Variants in LMO7 observed in about 807,000 individuals in gnomAD.
LMO7 encodes the protein LIM domain only protein 7.
A neutral mutation model predicts 206.5 loss-of-function variants in LMO7; 120 were observed. That is an observed-to-expected ratio of 0.58 (90% CI 0.50 to 0.68). LMO7 has a LOEUF of 0.68. LMO7 is among the 30% of genes least tolerant of loss of function. LMO7 has a pLI of 0.00. For synonymous variants in LMO7, 706 were observed against 681.5 expected (o/e 1.04, Z -0.56); for missense variants, 1,959 against 1,957.9 (o/e 1.00, Z -0.01).
chr13:75,729,018 GA>G (rs898763688), intron 3 of LMO7, among the ~76,000 whole-genome samples: 108 of 152,252 alleles, frequency 7.1e-4, no homozygotes, highest in African/African-American at 2.1e-3. Context: ...ATGCTGTTTT[GA>G]GTTACTATAG....
rs149824444 is a variant in LMO7 at position 75,787,219 on chromosome 13, G to A, written c.318-8182G>A. On this transcript the variant is annotated intron_variant, in intron 4 of 30. Coordinates refer to ENST00000377534, the MANE Select transcript of LMO7 (RefSeq NM_001306080.2). ...ATATGCACTCTGTTTGTGGTTTACCGTCTAATGGGGAGACACACGTCTCAG... is the reference window on the plus strand; with the variant it reads ...ATATGCACTCTGTTTGTGGTTTACCATCTAATGGGGAGACACACGTCTCAG... Among the ~76,000 whole-genome samples, 613 of 152,254 alleles carry A rather than the reference G, an allele frequency of 4.0e-3. 7 individuals carry two copies. Among genetic ancestry groups the A allele is most frequent in the African/African-American group, 0.014 (579 of 41,540 alleles).
intron 24 of LMO7, among the ~76,000 whole-genome samples, chr13:75,842,581 T>C (rs2059637616): frequency 6.6e-6 from 1 of 152,224 alleles, no homozygotes; most frequent in East Asian, 1.9e-4. Flanking sequence ...TTGTTTTGTG[T>C]ACTCCTATAG....
intron 1 of LMO7, among the ~76,000 whole-genome samples, chr13:75,709,044 G>A (rs553270274): frequency 5.1e-4 from 78 of 152,016 alleles, no homozygotes; most frequent in South Asian, 2.9e-3. Context: ...GAGAACATGC[G>A]GTGTTTGGTT....
chr13:75,727,005 C>A, intron 2 of LMO7, 24 bp from the exon 3 acceptor site: 1 of 1,316,328 alleles, frequency 7.6e-7, no homozygotes, highest in Non-Finnish European at 1.1e-6. Flanking sequence ...CTTGTAATTG[C>A]ATCTGTTATT....
chr13:75,651,255 T>C (rs1333562880), intron 1 of LMO7, among the ~76,000 whole-genome samples: 1 of 152,116 alleles, frequency 6.6e-6, no homozygotes, highest in Non-Finnish European at 1.5e-5. Context: ...TGCTCCTTGA[T>C]TATTACCAAG....
At chr13:75,667,573 C>T (rs2039183969) in intron 1 of LMO7, among the ~76,000 whole-genome samples, 1 of 152,022 alleles carries the variant, frequency 6.6e-6, no homozygotes. Context: ...ATTTTAGCCA[C>T]TTTATTTTTC....
rs903166540 is a variant in LMO7, at chr13:75,848,876, C to T, written c.4151-203C>T. 7 of 510,970 alleles carry T rather than the reference C, an allele frequency of 1.4e-5. No individual in the cohort carries two copies. In the Admixed American group the frequency reaches 2.3e-4, roughly 17 times the overall value. The allele number at this position is 510,970 out of a possible 1,614,324, so 31.7% of individuals were successfully genotyped here. ...TTGTACTAGTTTACATTCCCACCAG[C>T]AGCGTAGGAGTGCTCCCTTTTCCCT... On this transcript the variant is annotated intron_variant, in intron 26 of 30. Transcript: ENST00000377534.
At chr13:75,744,792 C>G (rs1182678810) in intron 3 of LMO7, among the ~76,000 whole-genome samples, 7 of 152,170 alleles carry the variant, frequency 4.6e-5, no homozygotes, top group Admixed American at 3.9e-4. Flanking sequence ...GTAAAAGAGA[C>G]AGAGAACATT....
At chr13:75,633,291 G>A (rs2035238734), upstream of LMO7, among the ~76,000 whole-genome samples, 1 of 152,172 alleles carries the variant, frequency 6.6e-6, no homozygotes, top group Admixed American at 6.5e-5. Context: ...TTCAGTCAGT[G>A]GCCTCCCTTT....
chr13:75,636,206 C>T (rs531090760), upstream of LMO7: 19 of 782,968 alleles, frequency 2.4e-5, no homozygotes, highest in South Asian at 1.0e-3. Flanking sequence ...CGGCCGGGAG[C>T]CCGGGGAGCC....
chr13:75,808,511 G>A (rs1257595802), intron 10 of LMO7, among the ~76,000 whole-genome samples: 5 of 152,102 alleles, frequency 3.3e-5, no homozygotes, highest in Admixed American at 3.3e-4. Flanking sequence ...TCATGTTCAG[G>A]CATTTTTGTA....
intron 4 of LMO7, among the ~76,000 whole-genome samples, chr13:75,761,408 T>C (rs1403682838): frequency 4.6e-5 from 7 of 152,166 alleles, no homozygotes; most frequent in Non-Finnish European, 7.4e-5. Context: ...AATTTTTTTA[T>C]ATATTTGGAA....
intron 1 of LMO7, among the ~76,000 whole-genome samples, chr13:75,663,721 C>T (rs1020722269): frequency 4.6e-5 from 7 of 152,078 alleles, no homozygotes; most frequent in South Asian, 2.1e-4. Context: ...TGAGCCACTG[C>T]GCCTGGCCGT....
At chr13:75,759,958 T>G (rs1364773117) in intron 3 of LMO7, among the ~76,000 whole-genome samples, 2 of 152,150 alleles carry the variant, frequency 1.3e-5, no homozygotes, top group African/African-American at 4.8e-5. Context: ...GTTGGCATGC[T>G]GGGAGGCCAC....
intron 4 of LMO7, among the ~76,000 whole-genome samples, chr13:75,761,334 TGAG>T (rs2048198670): frequency 1.3e-5 from 2 of 152,314 alleles, no homozygotes; most frequent in Admixed American, 1.3e-4. Flanking sequence ...TTGCTAATGT[TGAG>T]GATACTCATA....
intron 1 of LMO7, among the ~76,000 whole-genome samples, chr13:75,640,907 C>A (rs1429088266): frequency 1.3e-5 from 2 of 152,200 alleles, no homozygotes; most frequent in Non-Finnish European, 2.9e-5. Context: ...TCTTCTGCCT[C>A]AACCCTCTTC....
At position 75,841,765 on chromosome 13, in the gene LMO7, A is replaced by G; in HGVS notation, c.3813A>G (p.Arg1271=). The change falls in exon 24 of 31, where the codon AGA becomes AGG. Residue 1271 remains arginine (R), a synonymous_variant. Coordinates refer to ENST00000377534, the MANE Select transcript of LMO7 (RefSeq NM_001306080.2). ...EGTRAGEEER[R]QPQEEVVHED... is the part of the protein sequence containing the mutation. ...CCCGAGCAGGAGAAGAGGAGAGGAG[A>G]CAGCCACAAGAGGAAGTTGTTCATG... The G allele has an allele frequency of 6.2e-7, 1 of 1,614,042 alleles. No individual in the cohort carries two copies.
Position 75,796,685 on chromosome 13 carries a change from A to T in LMO7, c.398A>T (p.Tyr133Phe). The T allele has an allele frequency of 1.9e-6, 3 of 1,613,792 alleles. No individual in the cohort carries two copies. Among genetic ancestry groups the T allele is most frequent in the Non-Finnish European group, 1.7e-6 (2 of 1,179,848 alleles). The stretch of plus-strand genomic sequence containing the variant: ...GGAAGAAAAGCACAAAGCAACCCGT[A>T]CTATAATGGTCCCCATCTTAATTTG... ...WLGRKAQSNP[Y>F]YNGPHLNLKA... The change falls in exon 6 of 31, where the codon TAC (tyrosine) becomes TTC (phenylalanine). Residue 133 changes from tyrosine (Y) to phenylalanine (F), a missense_variant. By Grantham distance (22) the Tyr-to-Phe change is conservative. Transcript: ENST00000377534.
intron 1 of LMO7, among the ~76,000 whole-genome samples, chr13:75,657,746 GT>G (rs1366763511): frequency 6.6e-6 from 1 of 152,092 alleles, no homozygotes; most frequent in Non-Finnish European, 1.5e-5. Flanking sequence ...CATGTAGAAG[GT>G]TTTTGTGTAT....
Sources: gnomAD v4.1 joint callset for allele counts (sites outside exome capture counted in the v4.1 genomes callset) on GRCh38, gnomAD v4.1.1 for gene constraint, MANE v1.5 for transcripts, NCBI Gene and HGNC (gene_info 2026-07-23, HGNC 2026-07-21) for gene names.